PBX3: variants seen among roughly 807,000 people sequenced by gnomAD.
PBX3 encodes the protein PBX homeobox 3, also known as pre-B-cell leukemia transcription factor 3.
Under a neutral mutation model 48.5 loss-of-function variants are expected in PBX3, and 14 were observed. The ratio of observed to expected loss-of-function variants is 0.29; its 90% CI spans 0.19 to 0.45. PBX3 has a LOEUF of 0.45. Among genes scored for constraint, PBX3 ranks in the 20% least tolerant of loss-of-function variants. PBX3 has a pLI of 1.00. For synonymous variants in PBX3, 210 were observed against 200.3 expected (o/e 1.05, Z -0.41); for missense variants, 386 against 546.7 (o/e 0.71, Z 2.93).
chr9:125,871,587 TCAAA>T (rs1322190946), intron 2 of PBX3, among the ~76,000 whole-genome samples: 2 of 151,538 alleles, frequency 1.3e-5, no homozygotes, highest in South Asian at 2.1e-4. Context: ...TATATAAAAT[TCAAA>T]CAAAGTAAGA....
intron 2 of PBX3, among the ~76,000 whole-genome samples, chr9:125,826,681 T>C (rs966396834): frequency 1.3e-5 from 2 of 152,162 alleles, no homozygotes; most frequent in African/African-American, 2.4e-5. Flanking sequence ...GTTCAACTTA[T>C]TGTGTGATGA....
At chr9:125,768,073 T>C (rs577252900) in intron 2 of PBX3, among the ~76,000 whole-genome samples, 1 of 148,800 alleles carries the variant, frequency 6.7e-6, no homozygotes, top group East Asian at 2.0e-4. Context: ...CTTGCAAGAA[T>C]GATACAAAAA....
intron 2 of PBX3, among the ~76,000 whole-genome samples, chr9:125,864,752 A>G (rs550595272): frequency 6.6e-6 from 1 of 152,314 alleles, no homozygotes; most frequent in East Asian, 1.9e-4. Flanking sequence ...AAATACAGAT[A>G]AAGCTTTGCT....
intron 2 of PBX3, among the ~76,000 whole-genome samples, chr9:125,897,585 TCACA>T (rs1840804332): frequency 6.6e-6 from 1 of 151,840 alleles, no homozygotes; most frequent in Admixed American, 6.6e-5. Context: ...TTCTAAAATG[TCACA>T]CACACCAGCA....
intron 3 of PBX3, among the ~76,000 whole-genome samples, chr9:125,927,955 T>C (rs1588305122): frequency 6.6e-6 from 1 of 151,556 alleles, no homozygotes; most frequent in South Asian, 2.1e-4. Context: ...CTGAGGCAGG[T>C]GGATTGTCTG....
At position 125,835,051 on chromosome 9, in the gene PBX3, A is replaced by AAAAAAAAAAAAAAAAAAAT. The variant is rs1564681272; in HGVS notation, c.275-80635_275-80634insAAAAAAAAAAAAAAAAAAT. On this transcript the variant is annotated intron_variant, in intron 2 of 8. Coordinates refer to ENST00000373489, the MANE Select transcript of PBX3 (RefSeq NM_006195.6). ...AAAAAAAAAAAAAAAAAAAAAAAAA[A>AAAAAAAAAAAAAAAAAAAT]GGGCAAAAGATATGAAAAGACAAGT... Among the ~76,000 whole-genome samples, 5 of 108,060 alleles carry AAAAAAAAAAAAAAAAAAAT rather than the reference A, an allele frequency of 4.6e-5. 1 individual carries two copies. Among genetic ancestry groups the AAAAAAAAAAAAAAAAAAAT allele is most frequent in the Admixed American group, 2.1e-4 (2 of 9,468 alleles). The allele number at this position is 108,060 out of a possible 152,430, so 70.9% of individuals were successfully genotyped here.
chr9:125,747,431 C>T lies in PBX3; in HGVS notation c.-23C>T, dbSNP rs780200787. On this transcript the variant is annotated 5_prime_UTR_variant, in exon 1 of 9. Transcript: ENST00000373489. ...CTCAGCCTTCGCCTCAGCCGCCGCC[C>T]GCTCCCGCCCGCGCGCGGCGGGATG... is the stretch of plus-strand genomic sequence containing the variant. 1 of 1,447,886 alleles carries T rather than the reference C, an allele frequency of 6.9e-7. No individual in the cohort carries two copies. 89.7% of individuals were successfully genotyped at this position (1,447,886 alleles called of 1,614,324 possible). A position where few individuals can be genotyped will look rare whatever the true frequency, so the allele number is the denominator to read the frequency against.
chr9:125,777,015 C>CT (rs11446623), intron 2 of PBX3, among the ~76,000 whole-genome samples: 93,940 of 145,820 alleles, frequency 0.64, 30,265 homozygotes, highest in South Asian at 0.68. Flanking sequence ...CTTTTCTTTT[C>CT]TTTTTTTTTT....
At chr9:125,811,181 G>A (rs1307812759) in intron 2 of PBX3, among the ~76,000 whole-genome samples, 3 of 152,218 alleles carry the variant, frequency 2.0e-5, no homozygotes, top group African/African-American at 7.2e-5. Context: ...TGTAAAATAT[G>A]TATGTTTTAT....
rs1278368557 is a variant in PBX3 at position 125,888,484 on chromosome 9, G to A, written c.275-27202G>A. 2.0e-5 allele frequency among the ~76,000 whole-genome samples: 3 copies of A among 151,970 alleles called. 1 individual carries two copies. The highest frequency in any genetic ancestry group is 2.9e-5 in the Non-Finnish European group (2 of 67,988). ...CACTCTGCTGTAGGAGAGGAGAGGC[G>A]GCATACATGCTTTACCAGAAACAGA... On this transcript the variant is annotated intron_variant, in intron 2 of 8. Coordinates refer to ENST00000373489, the MANE Select transcript of PBX3 (RefSeq NM_006195.6).
rs367590365 is a variant in PBX3, at chr9:125,939,672, A to G, written c.843+4065A>G. Among the ~76,000 whole-genome samples the G allele has an allele frequency of 1.1e-4, 16 of 152,306 alleles. No individual in the cohort carries two copies. The South Asian group carries it at 2.9e-3, about 28-fold the overall frequency. On this transcript the variant is annotated intron_variant, in intron 5 of 8. Coordinates refer to ENST00000373489, the MANE Select transcript of PBX3 (RefSeq NM_006195.6). ...AATGGCAAAAAATTTGAAACAAACC[A>G]TTTGTCCACGGACTGGAGAAATGGA... is the stretch of plus-strand genomic sequence containing the variant.
intron 2 of PBX3, among the ~76,000 whole-genome samples, chr9:125,908,928 A>T (rs78068416): frequency 6.6e-6 from 1 of 152,168 alleles, no homozygotes; most frequent in East Asian, 1.9e-4. Flanking sequence ...CTTTGTGCTA[A>T]TATGTGTGAG....
chr9:125,903,660 A>C (rs1841002900), intron 2 of PBX3, among the ~76,000 whole-genome samples: 1 of 151,910 alleles, frequency 6.6e-6, no homozygotes, highest in African/African-American at 2.4e-5. Flanking sequence ...AAACAAAAGA[A>C]GTAAGTTAAC....
At chr9:125,780,174 G>A (rs1172445668) in intron 2 of PBX3, among the ~76,000 whole-genome samples, 21 of 135,566 alleles carry the variant, frequency 1.5e-4, no homozygotes, top group African/African-American at 5.6e-4. Context: ...GGACGGGGCG[G>A]CTGGCCGGGC....
intron 3 of PBX3, among the ~76,000 whole-genome samples, chr9:125,921,428 CAT>C (rs750403127): frequency 4.6e-5 from 7 of 152,068 alleles, no homozygotes; most frequent in South Asian, 2.1e-4. Context: ...AGAGTAATGA[CAT>C]AAAAATAGTA....
At chr9:125,953,601 A>G (rs978965659) in intron 5 of PBX3, among the ~76,000 whole-genome samples, 1 of 152,228 alleles carries the variant, frequency 6.6e-6, no homozygotes, top group African/African-American at 2.4e-5. Flanking sequence ...CTCTCCAGAA[A>G]GGTTATGCTA....
At chr9:125,769,986 A>C (rs1836901122) in intron 2 of PBX3, among the ~76,000 whole-genome samples, 1 of 152,220 alleles carries the variant, frequency 6.6e-6, no homozygotes, top group South Asian at 2.1e-4. Context: ...ACATTGGTTA[A>C]GCATTAATGT....
chr9:125,947,380 A>G (rs1008746109), intron 5 of PBX3, among the ~76,000 whole-genome samples: 2 of 152,156 alleles, frequency 1.3e-5, no homozygotes, highest in African/African-American at 4.8e-5. Flanking sequence ...AGAGGAGAGT[A>G]AGTGTTCTAA....
intron 2 of PBX3, among the ~76,000 whole-genome samples, chr9:125,906,601 T>G (rs1019123547): frequency 1.3e-5 from 2 of 151,998 alleles, no homozygotes; most frequent in South Asian, 2.1e-4. Flanking sequence ...TGAATGACAT[T>G]TACTGATCAC....
Sources: gnomAD v4.1 joint callset for allele counts (sites outside exome capture counted in the v4.1 genomes callset) on GRCh38, gnomAD v4.1.1 for gene constraint, MANE v1.5 for transcripts, NCBI Gene and HGNC (gene_info 2026-07-23, HGNC 2026-07-21) for gene names.